Variants in LYSMD4 observed in about 807,000 individuals in gnomAD.
LYSMD4 encodes the protein lysM and putative peptidoglycan-binding domain-containing protein 4.
A neutral mutation model predicts 6.1 loss-of-function variants in LYSMD4; 9 were observed. The ratio of observed to expected loss-of-function variants is 1.47; its 90% CI spans 0.88 to 2.56. The LOEUF (loss-of-function observed/expected upper bound fraction) is 2.56. LYSMD4 is among the 30% of genes most tolerant of loss of function. The probability of loss-of-function intolerance (pLI) is 0.00; values close to 1 mark genes in which losing one functional copy is unlikely to be tolerated. For synonymous variants in LYSMD4, 143 were observed against 148.5 expected (o/e 0.96, Z 0.27); for missense variants, 384 against 373.5 (o/e 1.03, Z -0.23).
downstream of LYSMD4, among the ~76,000 whole-genome samples, chr15:99,726,145 G>GT (rs1567547710): frequency 1.3e-4 from 4 of 31,412 alleles, no homozygotes; most frequent in African/African-American, 2.3e-4. Flanking sequence ...TGTCTCAAGT[G>GT]GTTTTTTTTT....
At chr15:99,720,418 C>T (rs1438736145), upstream of LYSMD4, among the ~76,000 whole-genome samples, 1 of 152,060 alleles carries the variant, frequency 6.6e-6, no homozygotes, top group Admixed American at 6.5e-5. Flanking sequence ...CCCAGGAATT[C>T]GAGACCAGCC....
At chr15:99,716,993 G>GTGTT (rs1441950575) in exon 1 of LYSMD4, 1 of 276,510 alleles carries the variant, frequency 3.6e-6, no homozygotes, top group African/African-American at 2.2e-5. Flanking sequence ...AGTTTTCAGA[G>GTGTT]TGTTAGGTGT....
At chr15:99,719,140 CTAGAT>C (rs2059219075), upstream of LYSMD4, among the ~76,000 whole-genome samples, 1 of 151,930 alleles carries the variant, frequency 6.6e-6, no homozygotes, top group Non-Finnish European at 1.5e-5. Flanking sequence ...CATTGACTGA[CTAGAT>C]GAGAGCATTT....
At chr15:99,720,394 G>A (rs961536515), upstream of LYSMD4, among the ~76,000 whole-genome samples, 1 of 152,190 alleles carries the variant, frequency 6.6e-6, no homozygotes, top group Non-Finnish European at 1.5e-5. Flanking sequence ...GCTGAGGTGG[G>A]AGGATCACTT....
chr15:99,728,648 C>A lies in LYSMD4; in HGVS notation c.*475G>T. ...TCTAAAACAGGGTGGCATGCCAAGC[C>A]TATTCCACAGCACCTTTGCCAGGCA... On this transcript the variant is annotated 3_prime_UTR_variant, in exon 3 of 3. Coordinates refer to ENST00000684762, the MANE Select transcript of LYSMD4 (RefSeq NM_001284417.2). 5.5e-6 allele frequency: 1 copy of A among 181,682 alleles called. No individual in the cohort carries two copies. The highest frequency in any genetic ancestry group is 1.2e-4 in the East Asian group (1 of 8,200). 11.3% of individuals were successfully genotyped at this position (181,682 alleles called of 1,614,324 possible).
exon 1 of LYSMD4, chr15:99,716,161 G>A (rs766350102): frequency 5.6e-6 from 1 of 177,310 alleles, no homozygotes; most frequent in Non-Finnish European, 1.2e-5. Context: ...AGAAGACACT[G>A]CTTTGCTATA....
downstream of LYSMD4, among the ~76,000 whole-genome samples, chr15:99,722,749 G>A (rs898203372): frequency 1.3e-5 from 2 of 152,130 alleles, no homozygotes; most frequent in Admixed American, 6.5e-5. Flanking sequence ...TAAAAGATGC[G>A]TTGGGCCAGG....
At chr15:99,723,182 G>A (rs896774474), downstream of LYSMD4, among the ~76,000 whole-genome samples, 7 of 152,048 alleles carry the variant, frequency 4.6e-5, no homozygotes, top group Non-Finnish European at 1.0e-4. Flanking sequence ...TATAATTGGA[G>A]GGAAATAATG....
At chr15:99,724,821 CTG>C (rs1203972258), downstream of LYSMD4, among the ~76,000 whole-genome samples, 6 of 152,240 alleles carry the variant, frequency 3.9e-5, no homozygotes, top group Middle Eastern at 3.2e-3. Context: ...GTGGCAGTCT[CTG>C]TGCAAGTTTT....
upstream of LYSMD4, among the ~76,000 whole-genome samples, chr15:99,718,355 T>A (rs1277913712): frequency 1.3e-5 from 2 of 152,176 alleles, no homozygotes; most frequent in Non-Finnish European, 2.9e-5. Context: ...GGTTCAGTGG[T>A]TTTTACAGGG....
rs2059403038 is a variant in LYSMD4, at chr15:99,731,284, CT to C, written c.282+433del. On this transcript the variant is annotated intron_variant, in intron 2 of 2. Coordinates refer to ENST00000684762, the MANE Select transcript of LYSMD4 (RefSeq NM_001284417.2). ...CAGTTCTAAACGAGAGAAGGTAAAA[CT>C]TTACCAAAAGTCAAGTAAGCTACCA... is the stretch of plus-strand genomic sequence containing the variant. 1.9e-6 allele frequency: 3 copies of C among 1,601,280 alleles called. No individual in the cohort carries two copies. The African/African-American group carries it at 4.1e-5, about 22-fold the overall frequency.
At chr15:99,730,825 T>C (rs1420461641) in intron 2 of LYSMD4, among the ~76,000 whole-genome samples, 1 of 152,230 alleles carries the variant, frequency 6.6e-6, no homozygotes, top group Non-Finnish European at 1.5e-5. Flanking sequence ...TTCCGGTCTT[T>C]GTAGGACAGG....
chr15:99,718,020 C>G (rs1794073490), upstream of LYSMD4, among the ~76,000 whole-genome samples: 1 of 152,224 alleles, frequency 6.6e-6, no homozygotes, highest in Non-Finnish European at 1.5e-5. Flanking sequence ...AGTACGAGAA[C>G]CCAGAAATTA....
Position 99,733,246 on chromosome 15 carries a change from C to T in LYSMD4, c.-9+99G>A, listed in dbSNP as rs1597397472. 7 of 378,802 alleles carry T rather than the reference C, an allele frequency of 1.8e-5. No homozygotes were observed. The East Asian group carries it at 2.7e-4, about 14-fold the overall frequency. 23.5% of individuals were successfully genotyped at this position (378,802 alleles called of 1,614,324 possible). A position where few individuals can be genotyped will look rare whatever the true frequency, so the allele number is the denominator to read the frequency against. ...CCCCTAGGAGCCCGGGGAGGGGCGG[C>T]CCGCCCGCGAACCCTCGAGCGAGGC... On this transcript the variant is annotated intron_variant, in intron 1 of 2. Coordinates refer to ENST00000684762, the MANE Select transcript of LYSMD4 (RefSeq NM_001284417.2).
downstream of LYSMD4, among the ~76,000 whole-genome samples, chr15:99,725,230 T>C (rs1266975429): frequency 6.6e-6 from 1 of 152,168 alleles, no homozygotes; most frequent in African/African-American, 2.4e-5. Flanking sequence ...TGTCTAGACT[T>C]CCTGGCTCCT....
upstream of LYSMD4, among the ~76,000 whole-genome samples, chr15:99,718,036 GAC>G (rs1473280920): frequency 1.3e-5 from 2 of 152,260 alleles, no homozygotes; most frequent in Non-Finnish European, 2.9e-5. Flanking sequence ...AATTAATATT[GAC>G]ACAGCATTTT....
chr15:99,716,941 T>G (rs2059188560), exon 1 of LYSMD4: 1 of 322,544 alleles, frequency 3.1e-6, no homozygotes, highest in East Asian at 7.8e-5. Context: ...TACATGATGC[T>G]GAGCTAGATG....
rs2059475832 is a variant in LYSMD4, at chr15:99,733,411, CT to C, written c.-76del. On this transcript the variant is annotated 5_prime_UTR_variant, in exon 1 of 3. Transcript: ENST00000684762. ...GCGACCCGCGACCCGCGACCCGCAG[CT>C]GCCACCGCGCCTGCGGATTGGCTAC... The C allele has an allele frequency of 1.5e-5, 6 of 395,552 alleles. No homozygotes were observed. Among genetic ancestry groups the C allele is most frequent in the African/African-American group, 1.2e-4 (6 of 48,554 alleles). 24.5% of individuals were successfully genotyped at this position (395,552 alleles called of 1,614,324 possible).
At chr15:99,717,950 G>C (rs1190354390), upstream of LYSMD4, 1 of 152,196 alleles carries the variant, frequency 6.6e-6, no homozygotes, top group Non-Finnish European at 1.5e-5. Flanking sequence ...AAATAATGTG[G>C]TTTCCACATA....
Sources: gnomAD v4.1 joint callset for allele counts (sites outside exome capture counted in the v4.1 genomes callset) on GRCh38, gnomAD v4.1.1 for gene constraint, MANE v1.5 for transcripts, NCBI Gene and HGNC (gene_info 2026-07-23, HGNC 2026-07-21) for gene names.